The following EIF4G1 variants were observed in gnomAD, a reference collection of about 807,000 sequenced individuals.
The protein encoded by EIF4G1 is EIF4-gamma.
A neutral mutation model predicts 187.8 loss-of-function variants in EIF4G1; 4 were observed. The observed-to-expected ratio is 0.02, with a 90% CI of 0.01 to 0.05. The LOEUF (loss-of-function observed/expected upper bound fraction) is 0.05, where lower values mean the gene tolerates loss of function less well. EIF4G1 is among the 10% of genes least tolerant of loss of function. EIF4G1 has a pLI of 1.00. For synonymous variants in EIF4G1, 844 were observed against 781.4 expected, an observed-to-expected ratio of 1.08 and a Z score of -1.34; for missense variants, 1,647 against 2,081.1, an observed-to-expected ratio of 0.79 and a Z score of 4.06.
chr3:184,327,127 C>T, intron 23 of EIF4G1, 89 bp from the exon 24 acceptor site: 2 of 1,576,452 alleles, frequency 1.3e-6, no homozygotes, highest in Admixed American at 3.4e-5. Context: ...ATGCTAAGAA[C>T]AAGGCCCAAC....
intron 4 of EIF4G1, among the ~76,000 whole-genome samples, chr3:184,316,560 G>A (rs1722819015): frequency 6.6e-6 from 1 of 152,132 alleles, no homozygotes; most frequent in African/African-American, 2.4e-5. Context: ...CTGTGGTGAG[G>A]TAAACACTCC....
chr3:184,331,850 G>A, intron 31 of EIF4G1, 41 bp downstream of exon 31: 8 of 1,614,096 alleles, frequency 5.0e-6, no homozygotes, highest in Non-Finnish European at 6.8e-6. Context: ...GGGTGGGCCT[G>A]ACAGACAAGT....
At chr3:184,329,182 G>A in intron 28 of EIF4G1, 192 bp downstream of exon 28, 2 of 648,588 alleles carry the variant, frequency 3.1e-6, no homozygotes, top group Admixed American at 5.1e-5. Context: ...TTCTGGCCAA[G>A]ACTGGAGGAG....
chr3:184,320,124 C>T (rs1438730818), intron 7 of EIF4G1, among the ~76,000 whole-genome samples: 7 of 129,078 alleles, frequency 5.4e-5, no homozygotes, highest in Non-Finnish European at 6.7e-5. Context: ...AGCCCCCATT[C>T]CCCCCTGCCC....
chr3:184,332,106 G>C lies in EIF4G1; in HGVS notation c.4618+20G>C. ...CTCCCAGTAAGAGCCAGGCCATGGG[G>C]ACAGGGGTGGGGTGGAGGGACTGCC... On this transcript the variant is annotated intron_variant, in intron 32 of 32. Transcript: ENST00000346169. 1.2e-6 allele frequency: 2 copies of C among 1,614,174 alleles called. No individual in the cohort carries two copies. Among genetic ancestry groups the C allele is most frequent in the Non-Finnish European group, 1.7e-6 (2 of 1,180,034 alleles).
intron 28 of EIF4G1, 116 bp from the exon 29 acceptor site, chr3:184,331,150 G>A (rs1376690202): frequency 9.1e-7 from 1 of 1,100,954 alleles, no homozygotes; most frequent in African/African-American, 1.5e-5. Flanking sequence ...CATCCTTAAT[G>A]CCTAGCAAGT....
At chr3:184,333,695 ATACT>A (rs1353587686) in intron 32 of EIF4G1, among the ~76,000 whole-genome samples, 3 of 152,360 alleles carry the variant, frequency 2.0e-5, no homozygotes, top group Non-Finnish European at 4.4e-5. Context: ...GGACTGAGAA[ATACT>A]TAAGTGAGAC....
chr3:184,328,878 C>CT, intron 27 of EIF4G1, 31 bp from the exon 28 acceptor site: 1 of 1,614,038 alleles, frequency 6.2e-7, no homozygotes, highest in Non-Finnish European at 8.5e-7. Flanking sequence ...ACTGTGGAGG[C>CT]TGTCAGCATT....
At chr3:184,319,643 G>A (rs754841066) in intron 6 of EIF4G1, 46 bp from the exon 7 acceptor site, 22 of 1,244,526 alleles carry the variant, frequency 1.8e-5, no homozygotes, top group Admixed American at 9.9e-5. Flanking sequence ...GTATATGGTT[G>A]GGCCCTGACG....
chr3:184,322,702 C>T lies in EIF4G1; in HGVS notation c.1767C>T (p.Pro589=), dbSNP rs773038674. 1.2e-5 allele frequency: 20 copies of T among 1,613,972 alleles called. No individual in the cohort carries two copies. Among genetic ancestry groups the T allele is most frequent in the South Asian group, 4.4e-5 (4 of 91,086 alleles). ...DKIHNAENIQ[P]GEQKYEYKSD... ...TTCACAATGCTGAGAACATCCAGCC[C>T]GGGGAACAGAAGTATGAATATAAGT... The change falls in exon 12 of 33, where the codon CCC becomes CCT. Residue 589 remains proline, a synonymous_variant. Transcript: ENST00000346169.
chr3:184,331,397 T>C, intron 29 of EIF4G1, 33 bp downstream of exon 29: 1 of 1,614,178 alleles, frequency 6.2e-7, no homozygotes, highest in Non-Finnish European at 8.5e-7. Flanking sequence ...ATTCTAGCAT[T>C]TGAGGCTGGC....
At chr3:184,320,838 T>A (rs750958560) in intron 8 of EIF4G1, 89 bp from the exon 9 acceptor site, 48 of 1,607,892 alleles carry the variant, frequency 3.0e-5, no homozygotes, top group Non-Finnish European at 3.7e-5. Flanking sequence ...TTCCTGGATT[T>A]CTAGGCAGAG....
At position 184,331,276 on chromosome 3, in the gene EIF4G1, A is replaced by G. The variant is rs1405815434; in HGVS notation, c.4172A>G (p.Lys1391Arg). 6.2e-7 allele frequency: 1 copy of G among 1,614,206 alleles called. No individual in the cohort carries two copies. The highest frequency in any genetic ancestry group is 1.1e-5 in the South Asian group (1 of 91,080). Residue 1391 changes from lysine (K) to arginine (R), a missense_variant, in exon 29 of 33, where the codon AAG becomes AGG. By Grantham distance (26) the Lys-to-Arg change is conservative. Coordinates refer to ENST00000346169, the MANE Select transcript of EIF4G1 (RefSeq NM_198241.3). ...GLLCKSMGPK[K>R]VGTLWREAGL... ...TCTTGTGTTTTCCAGGGTCCTAAAA[A>G]GGTGGGGACGCTGTGGCGAGAAGCC...
In EIF4G1 at chr3:184,321,272, T is replaced by C; in HGVS notation, c.698-10T>C. On this transcript the variant is annotated splice_polypyrimidine_tract_variant and intron_variant, in intron 9 of 32. Coordinates refer to ENST00000346169, the MANE Select transcript of EIF4G1 (RefSeq NM_198241.3). ...CCTTTAGTTGCTCATTCTTCCTTCC[T>C]ATGGTGCAGATGACCGGTCACAGGG... 5.6e-6 allele frequency: 9 copies of C among 1,614,114 alleles called. No individual in the cohort carries two copies. Among genetic ancestry groups the C allele is most frequent in the Non-Finnish European group, 6.8e-6 (8 of 1,180,030 alleles).
intron 23 of EIF4G1, 30 bp downstream of exon 23, chr3:184,327,013 A>T: frequency 6.2e-7 from 1 of 1,613,304 alleles, no homozygotes; most frequent in East Asian, 2.2e-5. Context: ...TTTGTTATTC[A>T]CACTGGGGGT....
rs1725441452 is a variant in EIF4G1 at position 184,328,655 on chromosome 3, T to C, written c.3978T>C (p.Ala1326=). 1.2e-6 allele frequency: 2 copies of C among 1,614,182 alleles called. No individual in the cohort carries two copies. Among genetic ancestry groups the C allele is most frequent in the South Asian group, 1.1e-5 (1 of 91,086 alleles). Residue 1326 remains alanine, a synonymous_variant, in exon 27 of 33, where the codon GCT becomes GCC. Coordinates refer to ENST00000346169, the MANE Select transcript of EIF4G1 (RefSeq NM_198241.3). ...YQGLYEILEL[A]EDMEIDIPHV... ...GGTTGTATGAAATCTTGGAATTGGC[T>C]GAGGACATGGAAATTGACATCCCCC...
chr3:184,331,325 A>G lies in EIF4G1; in HGVS notation c.4221A>G (p.Leu1407=), dbSNP rs772464626. 49 of 1,614,034 alleles carry G rather than the reference A, an allele frequency of 3.0e-5. No homozygotes were observed. Among genetic ancestry groups the G allele is most frequent in the Non-Finnish European group, 4.0e-5 (47 of 1,180,046 alleles). Residue 1407 remains leucine, a synonymous_variant, in exon 29 of 33, where the codon CTA becomes CTG. Coordinates refer to ENST00000346169, the MANE Select transcript of EIF4G1 (RefSeq NM_198241.3). ...REAGLSWKEF[L]PEGQDIGAFV... ...CCGGGCTTAGCTGGAAGGAATTTCT[A>G]CCTGAAGGCCAGGACATTGGTGCAT...
intron 12 of EIF4G1, 42 bp downstream of exon 12, chr3:184,322,772 T>C (rs1436400171): frequency 1.2e-6 from 2 of 1,614,218 alleles, no homozygotes; most frequent in East Asian, 2.2e-5. Flanking sequence ...AGTTTTCTTA[T>C]TAGGGCCAGA....
At position 184,323,772 on chromosome 3, in the gene EIF4G1, C is replaced by T. The variant is rs1724351844; in HGVS notation, c.2275-8C>T. ...CCTCACTGGAACTCTTGTCTCTTCTCCCTCCAGGACCTATTCCGCAGGGTG... is the reference window on the plus strand; with the variant it reads ...CCTCACTGGAACTCTTGTCTCTTCTTCCTCCAGGACCTATTCCGCAGGGTG... On this transcript the variant is annotated splice_region_variant and splice_polypyrimidine_tract_variant and intron_variant, in intron 15 of 32. Coordinates refer to ENST00000346169, the MANE Select transcript of EIF4G1 (RefSeq NM_198241.3). The surrounding 1 kb of genome is among the most constrained non-coding windows in gnomAD (Gnocchi z 6.9). 5.0e-6 allele frequency: 8 copies of T among 1,613,486 alleles called. No homozygotes were observed. Among genetic ancestry groups the T allele is most frequent in the Non-Finnish European group, 5.9e-6 (7 of 1,180,030 alleles).
Sources: gnomAD v4.1 joint callset for allele counts (sites outside exome capture counted in the v4.1 genomes callset) on GRCh38, gnomAD v4.1.1 for gene constraint, Gnocchi (gnomAD v3.1) non-coding constraint, MANE v1.5 for transcripts, NCBI Gene and HGNC (gene_info 2026-07-23, HGNC 2026-07-21) for gene names.